MREG: variants seen among roughly 807,000 people sequenced by gnomAD.
The protein encoded by MREG is dilute suppressor protein homolog.
MREG carries 31 observed loss-of-function variants against 28.5 expected under a neutral mutation model. The observed-to-expected ratio is 1.09, with a 90% confidence interval of 0.82 to 1.47. The LOEUF is 1.47. Among genes scored for constraint, MREG ranks in the 40% most tolerant of loss-of-function variants. The pLI is 0.00. For synonymous variants in MREG, 106 were observed against 95.2 expected (o/e 1.11, Z -0.66); for missense variants, 256 against 257.4 (o/e 0.99, Z 0.04).
At chr2:215,947,911 G>A (rs1473581773) in intron 2 of MREG, among the ~76,000 whole-genome samples, 1 of 152,176 alleles carries the variant, frequency 6.6e-6, no homozygotes, top group African/African-American at 2.4e-5. Context: ...ATTGAGATAA[G>A]TGTGCCTTTA....
At chr2:215,972,242 G>C (rs2105990931) in intron 2 of MREG, among the ~76,000 whole-genome samples, 1 of 152,214 alleles carries the variant, frequency 6.6e-6, no homozygotes, top group Middle Eastern at 3.4e-3. Flanking sequence ...ATTATCCAAA[G>C]GTTATCTGGA....
chr2:216,005,006 AG>A (rs1280208015), intron 1 of MREG, among the ~76,000 whole-genome samples: 1 of 152,202 alleles, frequency 6.6e-6, no homozygotes, highest in African/African-American at 2.4e-5. Context: ...GCGCTGAGGC[AG>A]GGGTGTGGGT....
chr2:215,999,519 C>A (rs890915944), intron 1 of MREG, among the ~76,000 whole-genome samples: 11 of 152,338 alleles, frequency 7.2e-5, no homozygotes, highest in Middle Eastern at 3.4e-3. Flanking sequence ...ACCAGAGCAG[C>A]TTCTCCATTC....
At chr2:216,017,535 G>T (rs890383763), upstream of MREG, among the ~76,000 whole-genome samples, 27 of 152,146 alleles carry the variant, frequency 1.8e-4, no homozygotes, top group Admixed American at 1.6e-3. Flanking sequence ...GGCGCTAGAT[G>T]GTTCCTACTG....
Position 215,956,051 on chromosome 2 carries a change from A to G in MREG, c.256-8938T>C, listed in dbSNP as rs970541533. ...ACTAGTACATGGAATCATAATGTCAAACGTATAACAAATAAAGCCTGTGAG... is the reference window on the plus strand; with the variant it reads ...ACTAGTACATGGAATCATAATGTCAGACGTATAACAAATAAAGCCTGTGAG... On this transcript the variant is annotated intron_variant, in intron 2 of 4. Coordinates refer to ENST00000263268, the MANE Select transcript of MREG (RefSeq NM_018000.3). Among the ~76,000 whole-genome samples the G allele has an allele frequency of 4.6e-5, 7 of 152,218 alleles. No individual in the cohort carries two copies. The East Asian group carries it at 1.2e-3, about 25-fold the overall frequency.
At chr2:215,978,652 G>A (rs549935277) in intron 2 of MREG, among the ~76,000 whole-genome samples, 1 of 152,246 alleles carries the variant, frequency 6.6e-6, no homozygotes, top group East Asian at 1.9e-4. Flanking sequence ...CTGGCAAACC[G>A]AATCCAGCAG....
At chr2:215,975,008 T>TTATATATATATATATATA (rs58937716) in intron 2 of MREG, among the ~76,000 whole-genome samples, 6,471 of 106,076 alleles carry the variant, frequency 0.061, 485 homozygotes, top group East Asian at 0.18. Flanking sequence ...TTTATATGAA[T>TTATATATATATATATATA]TATATATATA....
chr2:215,981,172 T>C (rs6709566), intron 2 of MREG, among the ~76,000 whole-genome samples: 29,281 of 151,998 alleles, frequency 0.19, 3,716 homozygotes, highest in East Asian at 0.39. Context: ...CCAAAAGAAC[T>C]GAAAACAGGG....
At chr2:215,956,626 C>T (rs1441209874) in intron 2 of MREG, among the ~76,000 whole-genome samples, 1 of 152,130 alleles carries the variant, frequency 6.6e-6, no homozygotes, top group Non-Finnish European at 1.5e-5. Context: ...GCAGCCTCGA[C>T]CTCCCAAACT....
At position 216,029,658 on chromosome 2, in the gene MREG, C is replaced by T. The variant is rs1694649689; in HGVS notation, c.-68+3131G>A. The stretch of plus-strand genomic sequence containing the variant: ...ATACAAGGATGCTAAGTCATGCTCA[C>T]AAACTCGCCAGAAGCTGAAATACAC... On this transcript the variant is annotated intron_variant, in intron 1 of 3. Coordinates refer to the MREG transcript ENST00000420348. Among the ~76,000 whole-genome samples, 3 of 152,368 alleles carry T rather than the reference C, an allele frequency of 2.0e-5. No individual in the cohort carries two copies. The South Asian group carries it at 6.2e-4, about 32-fold the overall frequency.
chr2:215,960,384 G>A (rs1284895274), intron 2 of MREG, among the ~76,000 whole-genome samples: 1 of 152,218 alleles, frequency 6.6e-6, no homozygotes, highest in Non-Finnish European at 1.5e-5. Context: ...CTCCAGTGGG[G>A]CTGCTGAACT....
chr2:216,005,236 C>A lies in MREG; in HGVS notation c.95+7997G>T, dbSNP rs569403386. On this transcript the variant is annotated intron_variant, in intron 1 of 4. Transcript: ENST00000263268. The stretch of plus-strand genomic sequence containing the variant: ...CAACACGGAGGAATCTCACAAAGCT[C>A]CACCAACAAAGTGAGTTCTATGAGA... Among the ~76,000 whole-genome samples the A allele has an allele frequency of 2.6e-5, 4 of 152,194 alleles. No homozygotes were observed. The South Asian group carries it at 8.3e-4, about 32-fold the overall frequency.
In MREG at chr2:216,013,264, G is replaced by T. The variant is rs1386644241; in HGVS notation, c.64C>A (p.Arg22Ser). ...AGGGGCTCCTTCTCAGGCAGGGCGCGCTCCTCCAAGCACTCGCACCCGCAG... is the reference window on the plus strand; with the variant it reads ...AGGGGCTCCTTCTCAGGCAGGGCGCTCTCCTCCAAGCACTCGCACCCGCAG... ...CCCGCECLEERALPEKEPLVS... is the reference protein window; with the variant it reads ...CCCGCECLEESALPEKEPLVS... Residue 22 changes from arginine (R) to serine (S), a missense_variant, in exon 1 of 5, where the codon CGC (arginine) becomes AGC (serine). Transcript: ENST00000263268. 32 of 1,549,648 alleles carry T rather than the reference G, an allele frequency of 2.1e-5. No individual in the cohort carries two copies. The East Asian group carries it at 3.7e-4, about 18-fold the overall frequency.
downstream of MREG, chr2:215,939,389 T>C (rs1692169873): frequency 6.6e-6 from 1 of 152,216 alleles, no homozygotes; most frequent in Non-Finnish European, 1.5e-5. Context: ...TTGCCCCAAA[T>C]TCTTCTAAAC....
In MREG at chr2:215,993,372, A is replaced by G. The variant is rs559819683; in HGVS notation, c.255+2934T>C. On this transcript the variant is annotated intron_variant, in intron 2 of 4. Transcript: ENST00000263268. Reference sequence around the variant, plus strand: ...TTGGGAAAACTGGCTAGCCATATGCAGAAAACTGAAACTGGACCCCTTCCT... The same window carrying G: ...TTGGGAAAACTGGCTAGCCATATGCGGAAAACTGAAACTGGACCCCTTCCT... Among the ~76,000 whole-genome samples the G allele has an allele frequency of 2.6e-5, 4 of 152,362 alleles. No homozygotes were observed. The East Asian group carries it at 7.7e-4, about 29-fold the overall frequency.
At chr2:216,024,727 A>G (rs1168360199) in intron 1 of MREG, among the ~76,000 whole-genome samples, 4 of 151,950 alleles carry the variant, frequency 2.6e-5, no homozygotes, top group East Asian at 1.9e-4. Context: ...TTCAAAAGAA[A>G]AAAAAATCAG....
intron 1 of MREG, among the ~76,000 whole-genome samples, chr2:216,002,204 C>T (rs768889548): frequency 1.8e-4 from 28 of 152,320 alleles, no homozygotes; most frequent in Non-Finnish European, 3.5e-4. Context: ...GGTAAGATTT[C>T]ACCCTTAATC....
chr2:215,954,561 C>T lies in MREG; in HGVS notation c.256-7448G>A, dbSNP rs543469083. Reference sequence around the variant, plus strand: ...TTATGTAACTTGCCCCATGCCCAACCGCAAACAGCAGCTAAGCCAGAACTC... The same window carrying T: ...TTATGTAACTTGCCCCATGCCCAACTGCAAACAGCAGCTAAGCCAGAACTC... On this transcript the variant is annotated intron_variant, in intron 2 of 4. Transcript: ENST00000263268. Among the ~76,000 whole-genome samples, 8 of 151,968 alleles carry T rather than the reference C, an allele frequency of 5.3e-5. No individual in the cohort carries two copies. In the South Asian group the frequency reaches 8.3e-4, roughly 16 times the overall value.
At chr2:215,959,047 G>T (rs1692711284) in intron 2 of MREG, among the ~76,000 whole-genome samples, 2 of 152,086 alleles carry the variant, frequency 1.3e-5, no homozygotes, top group Admixed American at 1.3e-4. Context: ...ACATCCTCCA[G>T]CTGATCCCCC....
Sources: allele counts gnomAD v4.1 joint callset (sites outside exome capture counted in the v4.1 genomes callset), GRCh38; gene constraint gnomAD v4.1.1; transcripts MANE v1.5; gene names NCBI Gene and HGNC (gene_info 2026-07-23, HGNC 2026-07-21).